The following ARHGAP23 variants were observed in gnomAD, a reference collection of about 807,000 sequenced individuals.
ARHGAP23 encodes rho GTPase-activating protein 23.
A neutral mutation model predicts 136.3 loss-of-function variants in ARHGAP23; 34 were observed. That is an observed-to-expected ratio of 0.25 (90% CI 0.19 to 0.33). ARHGAP23 has a LOEUF of 0.33. Among genes scored for constraint, ARHGAP23 ranks in the 10% least tolerant of loss-of-function variants. ARHGAP23 has a pLI of 1.00. For synonymous variants in ARHGAP23, 832 were observed against 920.5 expected (o/e 0.90, Z 1.74); for missense variants, 1,808 against 2,139.0 (o/e 0.85, Z 3.05).
At chr17:38,498,767 T>G (rs2040450785) in intron 22 of ARHGAP23, among the ~76,000 whole-genome samples, 1 of 152,160 alleles carries the variant, frequency 6.6e-6, no homozygotes, top group Admixed American at 6.5e-5. Context: ...TCTCACTGGT[T>G]TCTTTCCTCA....
upstream of ARHGAP23, among the ~76,000 whole-genome samples, chr17:38,425,085 C>T (rs368839819): frequency 4.6e-5 from 7 of 152,320 alleles, no homozygotes. Context: ...CGTTATGTGC[C>T]ACGGTGGCCA....
chr17:38,454,939 A>C (rs1309762016), intron 1 of ARHGAP23, among the ~76,000 whole-genome samples: 1 of 151,946 alleles, frequency 6.6e-6, no homozygotes, highest in Non-Finnish European at 1.5e-5. Context: ...TGAGGGTGGG[A>C]GTGTTTGGAA....
chr17:38,496,466 C>T (rs572448219), intron 20 of ARHGAP23, among the ~76,000 whole-genome samples: 2 of 151,956 alleles, frequency 1.3e-5, no homozygotes, highest in African/African-American at 4.8e-5. Context: ...AGCGAGAGAC[C>T]CTATCTCAAA....
At chr17:38,453,015 T>C (rs1009459325) in intron 1 of ARHGAP23, among the ~76,000 whole-genome samples, 1 of 152,200 alleles carries the variant, frequency 6.6e-6, no homozygotes, top group Non-Finnish European at 1.5e-5. Flanking sequence ...GCAGTGTGTG[T>C]AGCACTCGAG....
At chr17:38,419,800 G>T (rs1187600384) in intron 1 of ARHGAP23, among the ~76,000 whole-genome samples, 1 of 152,058 alleles carries the variant, frequency 6.6e-6, no homozygotes, top group Non-Finnish European at 1.5e-5. Context: ...GAGTGGGTGG[G>T]CTCTGTGCCA....
chr17:38,431,394 A>G (rs78624430), intron 1 of ARHGAP23, among the ~76,000 whole-genome samples: 1,735 of 152,284 alleles, frequency 0.011, 36 homozygotes, highest in African/African-American at 0.04. Flanking sequence ...TGGCTTGGTC[A>G]GGGATTTGGA....
chr17:38,510,950 C>T lies in ARHGAP23; in HGVS notation c.4454C>T (p.Ser1485Phe), dbSNP rs907086988. 75 of 1,459,402 alleles carry T rather than the reference C, an allele frequency of 5.1e-5. No homozygotes were observed. Among genetic ancestry groups the T allele is most frequent in the Non-Finnish European group, 5.9e-5 (66 of 1,117,826 alleles). The allele number at this position is 1,459,402 out of a possible 1,614,324, so 90.4% of individuals were successfully genotyped here. Residue 1485 changes from serine (S) to phenylalanine (F), a missense_variant, in exon 24 of 24, where the codon TCC becomes TTC. Transcript: ENST00000622683. The surrounding 1 kb of genome is among the most constrained non-coding windows in gnomAD (Gnocchi z 4.6). ...CAGCCCCCGCGCCGCTCGGCCGCCT[C>T]CCGCCTGCATCAGTGTCTGTGATCC... ...QSQPPRRSAASRLHQCL is the reference protein window; with the variant it reads ...QSQPPRRSAAFRLHQCL
At chr17:38,491,268 C>T in intron 19 of ARHGAP23, 139 bp from the exon 20 acceptor site, 1 of 1,166,222 alleles carries the variant, frequency 8.6e-7, no homozygotes, top group Non-Finnish European at 1.2e-6. Flanking sequence ...TCAAGCATCT[C>T]CATGCCCATA....
At chr17:38,434,117 G>T (rs1424385975) in intron 1 of ARHGAP23, among the ~76,000 whole-genome samples, 1 of 152,072 alleles carries the variant, frequency 6.6e-6, no homozygotes, top group Non-Finnish European at 1.5e-5. Flanking sequence ...GAGCCACCGC[G>T]CCTGGCTGGA....
Position 38,511,398 on chromosome 17 carries a change from T to G in ARHGAP23, c.*426T>G, listed in dbSNP as rs2040762654. Reference sequence around the variant, plus strand: ...CTTTCTTCTGCCCTCCCACCTCAGCTTGTAAGCGGGGATGTGTGTATGTCT... The same window carrying G: ...CTTTCTTCTGCCCTCCCACCTCAGCGTGTAAGCGGGGATGTGTGTATGTCT... On this transcript the variant is annotated 3_prime_UTR_variant, in exon 24 of 24. Coordinates refer to ENST00000622683, the MANE Select transcript of ARHGAP23 (RefSeq NM_001199417.2). 1.2e-5 allele frequency: 2 copies of G among 170,882 alleles called. No individual in the cohort carries two copies. Among genetic ancestry groups the G allele is most frequent in the East Asian group, 1.6e-4 (1 of 6,120 alleles). The allele number at this position is 170,882 out of a possible 1,614,324, so 10.6% of individuals were successfully genotyped here.
intron 2 of ARHGAP23, among the ~76,000 whole-genome samples, chr17:38,459,972 G>T (rs541214563): frequency 1.3e-5 from 2 of 152,352 alleles, no homozygotes; most frequent in Admixed American, 6.5e-5. Flanking sequence ...CCCTGGCTCT[G>T]CCACTGAGTC....
At chr17:38,481,938 G>T (rs144390029) in intron 14 of ARHGAP23, 84 bp from the exon 15 acceptor site, 2 of 1,374,738 alleles carry the variant, frequency 1.5e-6, no homozygotes, top group Non-Finnish European at 1.9e-6. Flanking sequence ...ATCCCCATAC[G>T]TCCAAATGTG....
In ARHGAP23 at chr17:38,437,516, C is replaced by T. The variant is rs2038824021; in HGVS notation, c.63+8968C>T. 1.3e-5 allele frequency among the ~76,000 whole-genome samples: 2 copies of T among 151,956 alleles called. 1 individual carries two copies. Among genetic ancestry groups the T allele is most frequent in the South Asian group, 4.2e-4 (2 of 4,802 alleles). On this transcript the variant is annotated intron_variant, in intron 1 of 23. Coordinates refer to ENST00000622683, the MANE Select transcript of ARHGAP23 (RefSeq NM_001199417.2). ...CCTGTAGTCCCAGCTACTCGGGAGG[C>T]TGAGCTGGGAATATTGCTTGGACTC...
At chr17:38,423,416 G>C (rs1035158319) in intron 1 of ARHGAP23, among the ~76,000 whole-genome samples, 1 of 151,450 alleles carries the variant, frequency 6.6e-6, no homozygotes, top group Non-Finnish European at 1.5e-5. Flanking sequence ...CTATCGCCCA[G>C]GCAAGAGTGC....
At chr17:38,458,292 T>G (rs2039378496) in intron 2 of ARHGAP23, 29 bp downstream of exon 2, 2 of 1,473,750 alleles carry the variant, frequency 1.4e-6, no homozygotes, top group South Asian at 2.7e-5. Flanking sequence ...TGCCCTGGTC[T>G]GGGGAAGCTT....
intron 6 of ARHGAP23, among the ~76,000 whole-genome samples, chr17:38,465,782 G>A (rs755233190): frequency 6.6e-6 from 1 of 152,028 alleles, no homozygotes; most frequent in Non-Finnish European, 1.5e-5. Flanking sequence ...GACTGGTCTC[G>A]GTGGGGTTTT....
At chr17:38,465,087 A>C (rs2039555899) in intron 6 of ARHGAP23, among the ~76,000 whole-genome samples, 1 of 138,176 alleles carries the variant, frequency 7.2e-6, no homozygotes, top group African/African-American at 2.7e-5. Flanking sequence ...TGGCGGGGTT[A>C]GCCGGAGCTG....
intron 23 of ARHGAP23, among the ~76,000 whole-genome samples, chr17:38,508,680 G>A (rs1157126664): frequency 1.3e-5 from 2 of 152,186 alleles, no homozygotes; most frequent in African/African-American, 4.8e-5. Context: ...AGGAGGAGGA[G>A]TTGGCTTTGG....
At chr17:38,429,917 A>G (rs1257864635) in intron 1 of ARHGAP23, among the ~76,000 whole-genome samples, 1 of 152,168 alleles carries the variant, frequency 6.6e-6, no homozygotes, top group Non-Finnish European at 1.5e-5. Flanking sequence ...GACAGCTCTC[A>G]CTGCCATGTG....
Sources: allele counts gnomAD v4.1 joint callset (sites outside exome capture counted in the v4.1 genomes callset), GRCh38; gene constraint gnomAD v4.1.1; non-coding constraint Gnocchi (gnomAD v3.1); transcripts MANE v1.5; gene names NCBI Gene and HGNC (gene_info 2026-07-23, HGNC 2026-07-21).